Variants in MIS18BP1 observed in about 807,000 individuals in gnomAD.
MIS18BP1 encodes the protein mis18-binding protein 1.
A neutral mutation model predicts 116.1 loss-of-function variants in MIS18BP1; 72 were observed. That is an observed-to-expected ratio of 0.62 (90% confidence interval 0.51 to 0.75). MIS18BP1 has a LOEUF of 0.75. Ranked by LOEUF, MIS18BP1 falls within the 30% of genes least tolerant of loss-of-function variation. The pLI is 0.00. For missense variants in MIS18BP1, 1,363 were observed against 1,303.2 expected (o/e 1.05, Z -0.71); for synonymous variants, 386 against 427.0 (o/e 0.90, Z 1.18).
intron 11 of MIS18BP1, among the ~76,000 whole-genome samples, chr14:45,219,158 A>G (rs913741054): frequency 2.0e-5 from 3 of 152,198 alleles, no homozygotes; most frequent in East Asian, 1.9e-4. Context: ...TAACTCATCA[A>G]TTAGCCTAAA....
chr14:45,240,994 A>G lies in MIS18BP1; in HGVS notation c.1143+1040T>C, dbSNP rs541996814. ...AGCGAATATATTGAGATATAAAACC[A>G]TAACTGGTATGTCACTCTTTAAAAT... is the stretch of plus-strand genomic sequence containing the variant. On this transcript the variant is annotated intron_variant, in intron 4 of 16. Transcript: ENST00000310806. Among the ~76,000 whole-genome samples the G allele has an allele frequency of 7.9e-5, 12 of 152,390 alleles. No individual in the cohort carries two copies. In the South Asian group the frequency reaches 2.5e-3, roughly 32 times the overall value.
chr14:45,215,069 C>G (rs540990109), intron 13 of MIS18BP1, among the ~76,000 whole-genome samples: 2 of 152,198 alleles, frequency 1.3e-5, no homozygotes, highest in Admixed American at 1.3e-4. Context: ...CTTTATGATG[C>G]TACTATTGCA....
At chr14:45,230,377 C>T (rs1244043711) in intron 8 of MIS18BP1, among the ~76,000 whole-genome samples, 6 of 152,114 alleles carry the variant, frequency 3.9e-5, no homozygotes, top group Admixed American at 1.3e-4. Context: ...TGCAATCTGT[C>T]GTTACAGCAA....
At chr14:45,252,682 C>G (rs1471757273) in intron 1 of MIS18BP1, among the ~76,000 whole-genome samples, 1 of 151,640 alleles carries the variant, frequency 6.6e-6, no homozygotes, top group Non-Finnish European at 1.5e-5. Context: ...GCTGAATGAT[C>G]AACTGCTTCT....
chr14:45,249,283 G>C (rs1046994439), intron 1 of MIS18BP1, among the ~76,000 whole-genome samples: 1 of 151,994 alleles, frequency 6.6e-6, no homozygotes, highest in African/African-American at 2.4e-5. Flanking sequence ...GTAGAGACGG[G>C]GTTTCACCAT....
In MIS18BP1 at chr14:45,246,765, C is replaced by G. The variant is rs779526757; in HGVS notation, c.522G>C (p.Gln174His). Residue 174 changes from glutamine to histidine, a missense_variant, in exon 2 of 17, where the codon CAG becomes CAC. By Grantham distance (24) the Gln-to-His change is conservative. Coordinates refer to ENST00000310806, the MANE Select transcript of MIS18BP1 (RefSeq NM_018353.5). Reference sequence around the variant, plus strand: ...AACCTCTTAGTGAACTGTCATCTGACTGGAATGATTTGTTGTTTTCCTTTT... The same window carrying G: ...AACCTCTTAGTGAACTGTCATCTGAGTGGAATGATTTGTTGTTTTCCTTTT... ...CEEKENNKSF[Q>H]SDDSSLRASV... 7 of 1,572,266 alleles carry G rather than the reference C, an allele frequency of 4.5e-6. No individual in the cohort carries two copies. The South Asian group carries it at 8.4e-5, about 19-fold the overall frequency.
intron 13 of MIS18BP1, among the ~76,000 whole-genome samples, chr14:45,213,316 C>G (rs1040667746): frequency 1.3e-5 from 2 of 152,162 alleles, no homozygotes; most frequent in African/African-American, 4.8e-5. Context: ...GGTGCTGAGG[C>G]TCTCCCTGAC....
chr14:45,232,202 G>C (rs1891297372), intron 7 of MIS18BP1, among the ~76,000 whole-genome samples: 1 of 151,612 alleles, frequency 6.6e-6, no homozygotes, highest in Non-Finnish European at 1.5e-5. Flanking sequence ...GGATCAGGAG[G>C]TCAGGAGATC....
chr14:45,220,445 T>C (rs1358812477), intron 11 of MIS18BP1, among the ~76,000 whole-genome samples: 1 of 151,566 alleles, frequency 6.6e-6, no homozygotes, highest in Non-Finnish European at 1.5e-5. Context: ...TAGGGGGAGG[T>C]GATTGGTTAA....
rs750111276 is a variant in MIS18BP1, at chr14:45,206,126, TTATGA to T, written c.3192_3196del (p.Tyr1064Ter). ...GCCCCAGACAATACCACCATTACTT[TTATGA>T]TATTTTTGCATACGAAAAACATATT... On this transcript the variant is annotated stop_gained and frameshift_variant, in exon 15 of 17. Coordinates refer to ENST00000310806, the MANE Select transcript of MIS18BP1 (RefSeq NM_018353.5). LOFTEE classifies it high-confidence loss of function. The T allele has an allele frequency of 6.2e-7, 1 of 1,609,366 alleles. No individual in the cohort carries two copies. The highest frequency in any genetic ancestry group is 8.5e-7 in the Non-Finnish European group (1 of 1,176,360).
chr14:45,242,283 G>T lies in MIS18BP1; in HGVS notation c.894C>A (p.Gly298=). Residue 298 remains glycine (G), a synonymous_variant, in exon 4 of 17, where the codon GGC becomes GGA. Coordinates refer to ENST00000310806, the MANE Select transcript of MIS18BP1 (RefSeq NM_018353.5). ...CACTATCAGAAACCATTAACAGGCT[G>T]CCATTTTTAATAGGAATACAATTAG... ...LSTNCIPIKN[G]SLLMVSDSER... 1 of 1,613,992 alleles carries T rather than the reference G, an allele frequency of 6.2e-7. No individual in the cohort carries two copies. Among genetic ancestry groups the T allele is most frequent in the Middle Eastern group, 1.7e-4 (1 of 6,060 alleles).
intron 13 of MIS18BP1, 59 bp from the exon 14 acceptor site, chr14:45,210,587 A>G (rs1890648670): frequency 3.1e-6 from 5 of 1,590,186 alleles, no homozygotes; most frequent in Middle Eastern, 3.3e-4. Flanking sequence ...TCTCATTATC[A>G]CAAAATAGTT....
At chr14:45,208,638 G>T (rs1041625676) in intron 14 of MIS18BP1, among the ~76,000 whole-genome samples, 2 of 151,990 alleles carry the variant, frequency 1.3e-5, no homozygotes, top group Non-Finnish European at 2.9e-5. Flanking sequence ...GGCCACGGAT[G>T]AATATTTTAA....
At chr14:45,205,425 C>CT (rs1890487728) in intron 15 of MIS18BP1, among the ~76,000 whole-genome samples, 2 of 152,070 alleles carry the variant, frequency 1.3e-5, no homozygotes, top group Admixed American at 1.3e-4. Context: ...AGATGAAATA[C>CT]TTTTTCCAGA....
chr14:45,249,367 T>C (rs1044138986), intron 1 of MIS18BP1, among the ~76,000 whole-genome samples: 2 of 152,042 alleles, frequency 1.3e-5, no homozygotes, highest in African/African-American at 2.4e-5. Flanking sequence ...ATTACAGGCA[T>C]GAGCCACCTG....
intron 2 of MIS18BP1, among the ~76,000 whole-genome samples, chr14:45,245,146 C>T (rs1158319779): frequency 6.6e-6 from 1 of 152,186 alleles, no homozygotes; most frequent in Non-Finnish European, 1.5e-5. Flanking sequence ...GTTTTCGTTG[C>T]TACCATTCCA....
Position 45,206,124 on chromosome 14 carries a change from T to C in MIS18BP1, c.3199A>G (p.Ser1067Gly), listed in dbSNP as rs1240383553. 1.2e-6 allele frequency: 2 copies of C among 1,608,802 alleles called. No individual in the cohort carries two copies. The highest frequency in any genetic ancestry group is 1.7e-6 in the Non-Finnish European group (2 of 1,175,842). Residue 1067 changes from serine to glycine, a missense_variant, in exon 15 of 17, where the codon AGT becomes GGT. Coordinates refer to ENST00000310806, the MANE Select transcript of MIS18BP1 (RefSeq NM_018353.5). ...YVFRMQKYHK[S>G]NGGIVWGNIK... ...TTGCCCCAGACAATACCACCATTAC[T>C]TTTATGATATTTTTGCATACGAAAA...
Position 45,227,718 on chromosome 14 carries a change from T to C in MIS18BP1, c.1691A>G (p.Asp564Gly). Residue 564 changes from aspartate to glycine, a missense_variant, in exon 9 of 17, where the codon GAT becomes GGT. By Grantham distance (94) the Asp-to-Gly change is moderately conservative. Coordinates refer to ENST00000310806, the MANE Select transcript of MIS18BP1 (RefSeq NM_018353.5). ...TTGAATAGTATTATTTACTTGGTCA[T>C]CTGGGAACCTTAATGTTGGTTTATT... ...CQNKPTLRFP[D>G]DQVNNTIQNG... 3 of 1,613,908 alleles carry C rather than the reference T, an allele frequency of 1.9e-6. No individual in the cohort carries two copies. The highest frequency in any genetic ancestry group is 2.5e-6 in the Non-Finnish European group (3 of 1,179,798).
Position 45,224,200 on chromosome 14 carries a change from G to A in MIS18BP1, c.2387C>T (p.Thr796Ile), listed in dbSNP as rs1246539908. The A allele has an allele frequency of 6.2e-7, 1 of 1,613,906 alleles. No individual in the cohort carries two copies. Among genetic ancestry groups the A allele is most frequent in the East Asian group, 2.2e-5 (1 of 44,856 alleles). Residue 796 changes from threonine to isoleucine, a missense_variant, in exon 11 of 17, where the codon ACC becomes ATC. Physicochemically the swap from Thr to Ile is moderately conservative, Grantham distance 89. Coordinates refer to ENST00000310806, the MANE Select transcript of MIS18BP1 (RefSeq NM_018353.5). Reference protein sequence around the residue: ...AEVKKTKAGNTKEAVVHLRKS... With the variant: ...AEVKKTKAGNIKEAVVHLRKS... ...TCTCAGGTGAACCACTGCTTCTTTG[G>A]TGTTTCCTGCTTTGGTTTTCTTAAC...
Sources: allele counts gnomAD v4.1 joint callset (sites outside exome capture counted in the v4.1 genomes callset), GRCh38; gene constraint gnomAD v4.1.1; transcripts MANE v1.5; gene names NCBI Gene and HGNC (gene_info 2026-07-23, HGNC 2026-07-21).